AKT1S1: variants seen among roughly 807,000 people sequenced by gnomAD.
AKT1S1 encodes proline-rich AKT1 substrate 1.
Under a neutral mutation model 21.2 loss-of-function variants are expected in AKT1S1, and 17 were observed. The observed-to-expected ratio is 0.80, with a 90% CI of 0.55 to 1.20. AKT1S1 has a LOEUF of 1.20. Among genes scored for constraint, AKT1S1 ranks in the 50% most tolerant of loss-of-function variants. AKT1S1 has a pLI of 0.00. For missense variants in AKT1S1, 366 were observed against 368.3 expected (o/e 0.99, Z 0.05); for synonymous variants, 181 against 165.6 (o/e 1.09, Z -0.72).
chr19:49,875,267 G>A (rs886400188), intron 1 of AKT1S1: 1 of 152,154 alleles, frequency 6.6e-6, no homozygotes, highest in Admixed American at 6.6e-5. Context: ...CCTTTAGGAG[G>A]GCAGATATTC....
chr19:49,869,631 T>A lies in AKT1S1; in HGVS notation c.*286A>T, dbSNP rs2122358642. On this transcript the variant is annotated 3_prime_UTR_variant, in exon 5 of 5. Coordinates refer to ENST00000344175, the MANE Select transcript of AKT1S1 (RefSeq NM_001098633.4). The stretch of plus-strand genomic sequence containing the variant: ...GGCGGAAAACAAAGGAGTTGACCCA[T>A]TTAGAGCTTAGAACTCAGCGAGCCA... 3.0e-6 allele frequency: 1 copy of A among 334,508 alleles called. No homozygotes were observed. Among genetic ancestry groups the A allele is most frequent in the African/African-American group, 2.1e-5 (1 of 46,898 alleles). The allele number at this position is 334,508 out of a possible 1,614,324, so 20.7% of individuals were successfully genotyped here.
At position 49,873,257 on chromosome 19, in the gene AKT1S1, C is replaced by A; in HGVS notation, c.39G>T (p.Val13=). The change falls in exon 2 of 5, where the codon GTG becomes GTT. Residue 13 remains valine (V), a synonymous_variant. Transcript: ENST00000344175. This position sits in a 1 kb window ranked among gnomAD's most constrained non-coding sequence, Gnocchi z 6.9. The part of the protein sequence containing the change: ...SGRPEELWEA[V]VGAAERFRAR... ...CCCGGAAGCGCTCAGCGGCCCCCAC[C>A]ACGGCCTCCCACAGCTCCTCGGGGC... is the stretch of plus-strand genomic sequence containing the variant. The A allele has an allele frequency of 6.5e-7, 1 of 1,533,494 alleles. No homozygotes were observed. Among genetic ancestry groups the A allele is most frequent in the East Asian group, 2.6e-5 (1 of 39,102 alleles). The allele number at this position is 1,533,494 out of a possible 1,614,324, so 95.0% of individuals were successfully genotyped here.
At chr19:49,877,610 A>C, upstream of AKT1S1, 1 of 1,181,136 alleles carries the variant, frequency 8.5e-7, no homozygotes, top group Non-Finnish European at 1.2e-6. Context: ...CTTCTCTAGA[A>C]CGGGTCGGGC....
intron 1 of AKT1S1, chr19:49,876,632 G>A (rs1470767700): frequency 1.3e-6 from 2 of 1,530,266 alleles, no homozygotes; most frequent in Non-Finnish European, 1.8e-6. Flanking sequence ...CCGGCCCGGC[G>A]CCGTCACCGC....
intron 4 of AKT1S1, among the ~76,000 whole-genome samples, chr19:49,870,310 G>A (rs1355561058): frequency 6.6e-6 from 1 of 152,224 alleles, no homozygotes; most frequent in Admixed American, 6.5e-5. Flanking sequence ...TCTTGGCCTA[G>A]GACATTGCTT....
Position 49,871,682 on chromosome 19 carries a change from G to A in AKT1S1, c.492C>T (p.Pro164=), listed in dbSNP as rs2074886048. The change falls in exon 4 of 5, where the codon CCC becomes CCT. Residue 164 remains proline (P), a synonymous_variant. Transcript: ENST00000344175. The part of the protein sequence containing the change: ...GSLSEETPAG[P]PTCSVPPASA... ...AGGCTGGGGGCACTGAGCAGGTGGG[G>A]GGGCCGGCGGGGGTCTCCTCGCTCA... The A allele has an allele frequency of 1.9e-6, 3 of 1,613,244 alleles. No individual in the cohort carries two copies. Among genetic ancestry groups the A allele is most frequent in the Non-Finnish European group, 2.5e-6 (3 of 1,179,712 alleles).
chr19:49,873,314 A>G lies in AKT1S1; in HGVS notation c.-7-12T>C. ...ACGCCATCCGCGCCCTGCGGGCCAG[A>G]GCAGGACAGAGGGGGCTGAGGCTTG... On this transcript the variant is annotated splice_polypyrimidine_tract_variant and intron_variant, in intron 1 of 4. Coordinates refer to ENST00000344175, the MANE Select transcript of AKT1S1 (RefSeq NM_001098633.4). This position sits in a 1 kb window ranked among gnomAD's most constrained non-coding sequence, Gnocchi z 6.9. 6.9e-7 allele frequency: 1 copy of G among 1,458,858 alleles called. No individual in the cohort carries two copies. Among genetic ancestry groups the G allele is most frequent in the Non-Finnish European group, 8.9e-7 (1 of 1,118,064 alleles). 90.4% of individuals were successfully genotyped at this position (1,458,858 alleles called of 1,614,324 possible).
chr19:49,876,203 C>T, intron 1 of AKT1S1: 2 of 1,025,336 alleles, frequency 2.0e-6, no homozygotes, highest in African/African-American at 1.7e-5. Flanking sequence ...CCCAACCTCG[C>T]CCGGGGTCCA....
In AKT1S1 at chr19:49,869,973, G is replaced by C. The variant is rs777632816; in HGVS notation, c.715C>G (p.Leu239Val). 9.7e-6 allele frequency: 15 copies of C among 1,544,430 alleles called. No individual in the cohort carries two copies. The highest frequency in any genetic ancestry group is 1.3e-5 in the Non-Finnish European group (15 of 1,142,094). The change falls in exon 5 of 5, where the codon CTG becomes GTG. Residue 239 changes from leucine (L) to valine (V), a missense_variant. Coordinates refer to ENST00000344175, the MANE Select transcript of AKT1S1 (RefSeq NM_001098633.4). ...EAEDTQVFGDLPRPRLNTSDF... is the reference protein window; with the variant it reads ...EAEDTQVFGDVPRPRLNTSDF... The stretch of plus-strand genomic sequence containing the variant: ...CTGGTGTTAAGCCGCGGCCGTGGCA[G>C]GTCCCCGAAGACCTGGGTGTCCTCG...
At chr19:49,876,626 C>T (rs1376878526) in intron 1 of AKT1S1, 4 of 1,531,344 alleles carry the variant, frequency 2.6e-6, no homozygotes, top group African/African-American at 2.8e-5. Context: ...GCATGGCCGG[C>T]CCGGCGCCGT....
Position 49,871,729 on chromosome 19 carries a change from G to A in AKT1S1, c.458-13C>T, listed in dbSNP as rs769013124. The stretch of plus-strand genomic sequence containing the variant: ...CTCAGGCTGCCATCTGAAAGAGAGG[G>A]TGGACTTCAGCTTCTGTCCCTGCCT... On this transcript the variant is annotated splice_polypyrimidine_tract_variant and intron_variant, in intron 3 of 4. Transcript: ENST00000344175. 11 of 1,611,936 alleles carry A rather than the reference G, an allele frequency of 6.8e-6. No individual in the cohort carries two copies. Among genetic ancestry groups the A allele is most frequent in the South Asian group, 1.1e-5 (1 of 91,028 alleles).
chr19:49,876,781 G>C, intron 1 of AKT1S1: 1 of 1,153,750 alleles, frequency 8.7e-7, no homozygotes. Context: ...AGTTGACAAG[G>C]GTGACGACAG....
At chr19:49,872,029 A>C in intron 2 of AKT1S1, 140 bp from the exon 3 acceptor site, 1 of 935,440 alleles carries the variant, frequency 1.1e-6, no homozygotes, top group South Asian at 1.5e-5. Flanking sequence ...CTTCACCTCA[A>C]AAACAACTTC....
At chr19:49,877,693 A>G (rs776938150), upstream of AKT1S1, 88 of 1,597,418 alleles carry the variant, frequency 5.5e-5, no homozygotes, top group Non-Finnish European at 6.8e-5. Context: ...GAAAAGGAGG[A>G]GGCGGGGCAG....
At chr19:49,876,364 G>C in intron 1 of AKT1S1, 2 of 1,186,354 alleles carry the variant, frequency 1.7e-6, no homozygotes, top group Non-Finnish European at 2.1e-6. Context: ...CCCAGGTAGA[G>C]ATCCCAGGCG....
chr19:49,873,246 G>C lies in AKT1S1; in HGVS notation c.50C>G (p.Ala17Gly). The C allele has an allele frequency of 1.3e-6, 2 of 1,534,344 alleles. No individual in the cohort carries two copies. Among genetic ancestry groups the C allele is most frequent in the Non-Finnish European group, 1.7e-6 (2 of 1,150,930 alleles). The part of the protein sequence containing the change: ...EELWEAVVGA[A>G]ERFRARTGTE... ...GCCAGTCCGGGCCCGGAAGCGCTCA[G>C]CGGCCCCCACCACGGCCTCCCACAG... The change falls in exon 2 of 5, where the codon GCT becomes GGT. Residue 17 changes from alanine (A) to glycine (G), a missense_variant. By Grantham distance (60) the Ala-to-Gly change is moderately conservative (BLOSUM62 0). Transcript: ENST00000344175. This position sits in a 1 kb window ranked among gnomAD's most constrained non-coding sequence, Gnocchi z 6.9.
intron 1 of AKT1S1, chr19:49,876,186 G>C: frequency 2.0e-6 from 2 of 1,013,250 alleles, no homozygotes; most frequent in Non-Finnish European, 2.4e-6. Flanking sequence ...CAGCTGCCCC[G>C]AGACCTCCCA....
intron 2 of AKT1S1, 34 bp downstream of exon 2, chr19:49,872,883 T>A: frequency 1.3e-6 from 2 of 1,576,310 alleles, no homozygotes; most frequent in South Asian, 2.3e-5. Context: ...CCTCAAGCGC[T>A]GGGCCGCACC....
rs1327426202 is a variant in AKT1S1, at chr19:49,869,884, C to G, written c.*33G>C. 1 of 1,453,252 alleles carries G rather than the reference C, an allele frequency of 6.9e-7. No individual in the cohort carries two copies. The highest frequency in any genetic ancestry group is 9.2e-7 in the Non-Finnish European group (1 of 1,087,860). 90.0% of individuals were successfully genotyped at this position (1,453,252 alleles called of 1,614,324 possible). ...GGCGGGGGCGTAGTGTGGGACGGGG[C>G]GGACGCGGCCCGGGGCGCTCCCTCC... On this transcript the variant is annotated 3_prime_UTR_variant, in exon 5 of 5. Transcript: ENST00000344175.
Sources: allele counts gnomAD v4.1 joint callset (sites outside exome capture counted in the v4.1 genomes callset), GRCh38; gene constraint gnomAD v4.1.1; non-coding constraint Gnocchi (gnomAD v3.1); transcripts MANE v1.5; gene names NCBI Gene and HGNC (gene_info 2026-07-23, HGNC 2026-07-21).